MAPK10: variants seen among roughly 807,000 people sequenced by gnomAD.
MAPK10 encodes JNK3 alpha protein kinase.
Under a neutral mutation model 59.3 loss-of-function variants are expected in MAPK10, and 25 were observed. That is an observed-to-expected ratio of 0.42 (90% CI 0.31 to 0.59). The LOEUF (loss-of-function observed/expected upper bound fraction) is 0.59, where lower values mean the gene tolerates loss of function less well. MAPK10 is among the 20% of genes least tolerant of loss of function. The pLI, the probability that MAPK10 is intolerant of heterozygous loss-of-function variation, is 0.15. For synonymous variants in MAPK10, 190 were observed against 200.5 expected, an observed-to-expected ratio of 0.95 and a Z score of 0.44; for missense variants, 351 against 568.9, an observed-to-expected ratio of 0.62 and a Z score of 3.90.
chr4:86,183,710 G>A (rs1262477002), intron 3 of MAPK10, among the ~76,000 whole-genome samples: 2 of 152,124 alleles, frequency 1.3e-5, no homozygotes, highest in Non-Finnish European at 2.9e-5. Context: ...CTGAGGAATC[G>A]CCACACTGAC....
At chr4:86,306,405 A>C (rs1336534670) in intron 2 of MAPK10, among the ~76,000 whole-genome samples, 6 of 152,196 alleles carry the variant, frequency 3.9e-5, no homozygotes, top group African/African-American at 1.4e-4. Context: ...AGTATTATGA[A>C]AATACTTTTT....
chr4:86,042,812 A>C (rs2041834803), intron 11 of MAPK10, among the ~76,000 whole-genome samples: 2 of 152,144 alleles, frequency 1.3e-5, no homozygotes, highest in Non-Finnish European at 1.5e-5. Context: ...CAAAACAACC[A>C]GAAAACAATG....
At chr4:86,233,274 C>T (rs536612007) in intron 2 of MAPK10, among the ~76,000 whole-genome samples, 5 of 152,090 alleles carry the variant, frequency 3.3e-5, no homozygotes, top group Admixed American at 6.5e-5. Flanking sequence ...TTGGGTTACA[C>T]AGAAATCCAT....
At chr4:86,441,543 C>A (rs1749427676) in intron 1 of MAPK10, among the ~76,000 whole-genome samples, 1 of 152,208 alleles carries the variant, frequency 6.6e-6, no homozygotes, top group Non-Finnish European at 1.5e-5. Flanking sequence ...TAAAATAGTT[C>A]ATATGACTGT....
In MAPK10 at chr4:86,359,774, T is replaced by G. The variant is rs936399621; in HGVS notation, c.-238A>C. 1 of 985,666 alleles carries G rather than the reference T, an allele frequency of 1.0e-6. No homozygotes were observed. Among genetic ancestry groups the G allele is most frequent in the Admixed American group, 6.1e-5 (1 of 16,276 alleles). The allele number at this position is 985,666 out of a possible 1,614,324, so 61.1% of individuals were successfully genotyped here. On this transcript the variant is annotated 5_prime_UTR_variant, in exon 1 of 14. Coordinates refer to ENST00000641462, the MANE Select transcript of MAPK10 (RefSeq NM_138982.4). ...ACATGGAAGAGATTCTTTGGAGATA[T>G]GGAGATTGTTTAAAATTAACGATGG...
chr4:86,350,392 T>C (rs940889688), intron 2 of MAPK10, among the ~76,000 whole-genome samples: 1 of 152,168 alleles, frequency 6.6e-6, no homozygotes, highest in Non-Finnish European at 1.5e-5. Context: ...TTTTTTCTAT[T>C]TTTAGTAGAG....
At chr4:86,551,795 A>G (rs1406273256) in intron 1 of MAPK10, among the ~76,000 whole-genome samples, 1 of 152,166 alleles carries the variant, frequency 6.6e-6, no homozygotes. Context: ...AGTAGAGACA[A>G]GGTTTCCCCA....
chr4:86,417,768 C>T (rs1432158892), intron 1 of MAPK10, among the ~76,000 whole-genome samples: 1 of 152,258 alleles, frequency 6.6e-6, no homozygotes, highest in Non-Finnish European at 1.5e-5. Flanking sequence ...GTTCCTGCTG[C>T]CCCACCTAGA....
chr4:86,337,877 T>A (rs965654348), intron 2 of MAPK10, among the ~76,000 whole-genome samples: 3 of 152,152 alleles, frequency 2.0e-5, no homozygotes, highest in Admixed American at 6.5e-5. Context: ...TCAGATATGC[T>A]CTTACAATAT....
intron 1 of MAPK10, among the ~76,000 whole-genome samples, chr4:86,570,078 T>TAAAAC (rs893499116): frequency 1.2e-4 from 19 of 152,294 alleles, no homozygotes; most frequent in South Asian, 4.1e-4. Flanking sequence ...CTTCATTGCT[T>TAAAAC]AAAACAAAAC....
chr4:86,457,508 C>G (rs553423941), upstream of MAPK10, among the ~76,000 whole-genome samples: 1 of 152,268 alleles, frequency 6.6e-6, no homozygotes, highest in East Asian at 1.9e-4. Context: ...CTTCTATACA[C>G]CAATAGCAAC....
intron 1 of MAPK10, among the ~76,000 whole-genome samples, chr4:86,422,660 T>C (rs983850331): frequency 3.9e-5 from 6 of 152,182 alleles, no homozygotes; most frequent in African/African-American, 1.2e-4. Flanking sequence ...TTATCTTTAG[T>C]GTACTAGAAG....
intron 13 of MAPK10, chr4:86,025,464 T>C (rs972752402): frequency 2.5e-6 from 1 of 398,168 alleles, no homozygotes; most frequent in Admixed American, 4.4e-5. Flanking sequence ...CTTTAAGTTG[T>C]TAAATTACTG....
chr4:86,283,907 T>A (rs527720313), intron 2 of MAPK10, among the ~76,000 whole-genome samples: 1 of 152,306 alleles, frequency 6.6e-6, no homozygotes, highest in East Asian at 1.9e-4. Context: ...GTGCTCCATG[T>A]GGGAAAAGGG....
intron 1 of MAPK10, among the ~76,000 whole-genome samples, chr4:86,548,378 A>C (rs1759446574): frequency 6.6e-6 from 1 of 152,202 alleles, no homozygotes; most frequent in Non-Finnish European, 1.5e-5. Flanking sequence ...TGTAACACTC[A>C]CCACGAGGGT....
At chr4:86,203,029 G>T (rs371333142) in intron 2 of MAPK10, among the ~76,000 whole-genome samples, 2 of 151,946 alleles carry the variant, frequency 1.3e-5, no homozygotes, top group South Asian at 2.1e-4. Flanking sequence ...GATGATCAAG[G>T]TGGTATCTCA....
At chr4:86,479,898 C>T (rs1429411924) in intron 1 of MAPK10, among the ~76,000 whole-genome samples, 7 of 152,104 alleles carry the variant, frequency 4.6e-5, no homozygotes, top group Non-Finnish European at 8.8e-5. Flanking sequence ...CTTCCTTCAG[C>T]TTAATCTCTC....
chr4:86,293,933 A>G (rs1271247313), intron 2 of MAPK10, among the ~76,000 whole-genome samples: 1 of 152,162 alleles, frequency 6.6e-6, no homozygotes. Flanking sequence ...TGGGATTCCG[A>G]GGAGACAAAT....
At chr4:86,329,628 C>T (rs1194863792) in intron 2 of MAPK10, among the ~76,000 whole-genome samples, 1 of 152,140 alleles carries the variant, frequency 6.6e-6, no homozygotes, top group Non-Finnish European at 1.5e-5. Context: ...CTTTTCTCTG[C>T]CTGTTCTTAT....
Sources: gnomAD v4.1 joint callset for allele counts (sites outside exome capture counted in the v4.1 genomes callset) on GRCh38, gnomAD v4.1.1 for gene constraint, MANE v1.5 for transcripts, NCBI Gene and HGNC (gene_info 2026-07-23, HGNC 2026-07-21) for gene names.